MAPRE2: variants seen among roughly 807,000 people sequenced by gnomAD.
MAPRE2 encodes the protein microtubule associated protein RP/EB family member 2.
MAPRE2 carries 13 observed loss-of-function variants against 43.2 expected under a neutral mutation model. The ratio of observed to expected loss-of-function variants is 0.30; its 90% CI spans 0.20 to 0.48. MAPRE2 has a LOEUF of 0.48. MAPRE2 is among the 20% of genes least tolerant of loss of function. The pLI is 0.99. For missense variants in MAPRE2, 161 were observed against 400.2 expected (o/e 0.40, Z 5.10); for synonymous variants, 135 against 148.8 (o/e 0.91, Z 0.68).
At chr18:35,037,540 A>C (rs1237218963), upstream of MAPRE2, among the ~76,000 whole-genome samples, 2 of 152,230 alleles carry the variant, frequency 1.3e-5, no homozygotes, top group Non-Finnish European at 2.9e-5. Flanking sequence ...GTTGGAGGTG[A>C]AGGGCAATGG....
chr18:35,106,007 G>A (rs970816741), intron 4 of MAPRE2, among the ~76,000 whole-genome samples: 1 of 152,088 alleles, frequency 6.6e-6, no homozygotes, highest in African/African-American at 2.4e-5. Context: ...ACCCCTGCTT[G>A]TGGGAGTCAC....
At chr18:34,992,587 A>G (rs1603387375) in intron 1 of MAPRE2, among the ~76,000 whole-genome samples, 1 of 152,244 alleles carries the variant, frequency 6.6e-6, no homozygotes, top group Middle Eastern at 3.4e-3. Context: ...TTGTTAATTC[A>G]TTTTCTTATA....
intron 2 of MAPRE2, among the ~76,000 whole-genome samples, chr18:35,035,816 TATC>T (rs1200584475): frequency 7.0e-6 from 1 of 143,628 alleles, no homozygotes; most frequent in Non-Finnish European, 1.5e-5. Context: ...GTTTCTCTTT[TATC>T]ATCAGCCTTT....
At chr18:35,140,064 CTG>C (rs1332944399) in intron 6 of MAPRE2, among the ~76,000 whole-genome samples, 1 of 152,220 alleles carries the variant, frequency 6.6e-6, no homozygotes, top group African/African-American at 2.4e-5. Context: ...AGCCTGACGA[CTG>C]TGCTTTCTAG....
At chr18:35,051,292 G>A (rs941863185) in intron 1 of MAPRE2, among the ~76,000 whole-genome samples, 2 of 152,158 alleles carry the variant, frequency 1.3e-5, no homozygotes, top group Non-Finnish European at 2.9e-5. Context: ...GGCAGGAGAA[G>A]GGAAACAGGA....
chr18:35,012,816 G>C (rs1421407031), intron 2 of MAPRE2, among the ~76,000 whole-genome samples: 1 of 152,144 alleles, frequency 6.6e-6, no homozygotes, highest in African/African-American at 2.4e-5. Context: ...TTCTGGAGAA[G>C]GATGGTGGTG....
chr18:35,027,241 CT>C (rs1392842888), intron 2 of MAPRE2, among the ~76,000 whole-genome samples: 1 of 152,176 alleles, frequency 6.6e-6, no homozygotes, highest in African/African-American at 2.4e-5. Flanking sequence ...GTTGATAGCC[CT>C]TCCTCTTGAA....
Position 35,088,881 on chromosome 18 carries a change from A to AG in MAPRE2, c.251-8563dup, listed in dbSNP as rs1397407978. Among the ~76,000 whole-genome samples, 4 of 152,322 alleles carry AG rather than the reference A, an allele frequency of 2.6e-5. No individual in the cohort carries two copies. In the East Asian group the frequency reaches 7.7e-4, roughly 29 times the overall value. On this transcript the variant is annotated intron_variant, in intron 2 of 6. Coordinates refer to ENST00000300249, the MANE Select transcript of MAPRE2 (RefSeq NM_014268.4). ...TGATGACCTTGACCAGAACATGGTG[A>AG]GGTTGGAAGACAATTGAATTTGTAT...
At chr18:35,060,737 C>T (rs1352699135) in intron 1 of MAPRE2, among the ~76,000 whole-genome samples, 1 of 152,118 alleles carries the variant, frequency 6.6e-6, no homozygotes, top group African/African-American at 2.4e-5. Context: ...TGTTTAGTTA[C>T]GATAGGGTGG....
chr18:35,032,699 T>A (rs1424789588), intron 2 of MAPRE2, among the ~76,000 whole-genome samples: 4 of 152,152 alleles, frequency 2.6e-5, no homozygotes, highest in Non-Finnish European at 5.9e-5. Context: ...GTTTTTTTGT[T>A]TATTTTTGGC....
At chr18:35,112,352 G>T (rs749587883) in intron 4 of MAPRE2, among the ~76,000 whole-genome samples, 1 of 151,918 alleles carries the variant, frequency 6.6e-6, no homozygotes, top group Non-Finnish European at 1.5e-5. Flanking sequence ...TGTATTTTTA[G>T]TAGAGATAGG....
chr18:35,006,298 T>C (rs917735522), intron 2 of MAPRE2, among the ~76,000 whole-genome samples: 1 of 152,300 alleles, frequency 6.6e-6, no homozygotes, highest in East Asian at 1.9e-4. Context: ...CTAAACATCT[T>C]TTATTTTACT....
intron 2 of MAPRE2, among the ~76,000 whole-genome samples, chr18:35,093,339 A>G (rs1009315324): frequency 6.6e-6 from 1 of 151,984 alleles, no homozygotes; most frequent in East Asian, 1.9e-4. Context: ...TAGTACAGCC[A>G]TTATAAAAAA....
rs544123218 is a variant in MAPRE2 at position 35,104,953 on chromosome 18, G to A, written c.610+2794G>A. 5.9e-5 allele frequency among the ~76,000 whole-genome samples: 9 copies of A among 152,154 alleles called. No homozygotes were observed. In the South Asian group the frequency reaches 1.7e-3, roughly 28 times the overall value. On this transcript the variant is annotated intron_variant, in intron 4 of 6. Transcript: ENST00000300249. ...AACTGCCATTTTTTTCAAGTTTTCT[G>A]TAGTGAGATTGGACAGACCTCAGAA...
intron 2 of MAPRE2, among the ~76,000 whole-genome samples, chr18:35,094,656 A>G (rs1313023007): frequency 1.3e-5 from 2 of 152,174 alleles, no homozygotes; most frequent in Non-Finnish European, 2.9e-5. Context: ...AGAACAATCT[A>G]TAGGAAAAAT....
intron 1 of MAPRE2, among the ~76,000 whole-genome samples, chr18:34,981,864 ATTT>A (rs1432961000): frequency 2.7e-5 from 2 of 74,054 alleles, no homozygotes; most frequent in African/African-American, 6.6e-5. Flanking sequence ...GACTTTATTT[ATTT>A]TTTTTTTTTA....
intron 2 of MAPRE2, among the ~76,000 whole-genome samples, chr18:35,079,185 C>A (rs1195357960): frequency 6.6e-6 from 1 of 152,158 alleles, no homozygotes; most frequent in East Asian, 1.9e-4. Flanking sequence ...TTATTTTTAT[C>A]CCAGGCTAGC....
chr18:34,996,866 G>A (rs371299304), intron 1 of MAPRE2, among the ~76,000 whole-genome samples: 3 of 152,288 alleles, frequency 2.0e-5, no homozygotes, highest in East Asian at 1.9e-4. Context: ...TAAGAAAACG[G>A]TAGAATAGAT....
chr18:35,130,109 AT>A (rs961631060), intron 5 of MAPRE2, among the ~76,000 whole-genome samples: 3 of 149,474 alleles, frequency 2.0e-5, no homozygotes, highest in African/African-American at 7.5e-5. Context: ...AGACAGACCT[AT>A]TTTCGTGGGT....
Sources: gnomAD v4.1 joint callset for allele counts (sites outside exome capture counted in the v4.1 genomes callset) on GRCh38, gnomAD v4.1.1 for gene constraint, MANE v1.5 for transcripts, NCBI Gene and HGNC (gene_info 2026-07-23, HGNC 2026-07-21) for gene names.